KIF26B: variants seen among roughly 807,000 people sequenced by gnomAD.
KIF26B encodes the protein kinesin-like protein KIF26B.
In KIF26B, 63 loss-of-function variants were observed where a neutral mutation model predicts 151.2. The ratio of observed to expected loss-of-function variants is 0.42; its 90% CI spans 0.34 to 0.51. The LOEUF is 0.51. Among genes scored for constraint, KIF26B ranks in the 20% least tolerant of loss-of-function variants. The pLI is 0.07. For synonymous variants in KIF26B, 1,357 were observed against 1,262.1 expected (o/e 1.08, Z -1.59); for missense variants, 2,813 against 2,913.6 (o/e 0.97, Z 0.79).
At chr1:245,558,878 A>G (rs920430542) in intron 5 of KIF26B, among the ~76,000 whole-genome samples, 1 of 152,198 alleles carries the variant, frequency 6.6e-6, no homozygotes, top group African/African-American at 2.4e-5. Context: ...GAGTGACTGA[A>G]TGCATTTTTC....
intron 10 of KIF26B, among the ~76,000 whole-genome samples, chr1:245,668,035 A>G (rs1234163676): frequency 1.3e-5 from 2 of 152,200 alleles, no homozygotes; most frequent in African/African-American, 4.8e-5. Flanking sequence ...AACTGGGATT[A>G]CAGGCACACG....
intron 2 of KIF26B, among the ~76,000 whole-genome samples, chr1:245,236,275 T>C (rs1670109732): frequency 6.6e-6 from 1 of 152,136 alleles, no homozygotes; most frequent in Non-Finnish European, 1.5e-5. Context: ...AAGTTAAGCA[T>C]GTAAGTGCCA....
Position 245,698,407 on chromosome 1 carries a change from C to CCGGGCTTCCAAG in KIF26B, c.6027+108_6027+109insAAGCGGGCTTCC. 1 of 1,130,742 alleles carries CCGGGCTTCCAAG rather than the reference C, an allele frequency of 8.8e-7. No homozygotes were observed. The allele number at this position is 1,130,742 out of a possible 1,614,324, so 70.0% of individuals were successfully genotyped here. A position where few individuals can be genotyped will look rare whatever the true frequency, so the allele number is the denominator to read the frequency against. Reference sequence around the variant, plus strand: ...GGGCCCTGGGGAAGAAAACTCAGACCCGGGCTTCCCAGCGGGCTTCTGGCA... The same window carrying CCGGGCTTCCAAG: ...GGGCCCTGGGGAAGAAAACTCAGACCCGGGCTTCCAAGCGGGCTTCCCAGCGGGCTTCTGGCA... On this transcript the variant is annotated intron_variant, in intron 13 of 14. Coordinates refer to ENST00000407071, the MANE Select transcript of KIF26B (RefSeq NM_018012.4). The surrounding 1 kb of genome is among the most constrained non-coding windows in gnomAD (Gnocchi z 4.0).
intron 2 of KIF26B, among the ~76,000 whole-genome samples, chr1:245,185,538 T>G (rs1668985267): frequency 6.6e-6 from 1 of 152,204 alleles, no homozygotes; most frequent in East Asian, 1.9e-4. Flanking sequence ...AAGTCAGCTT[T>G]GTGTCAATCA....
chr1:245,367,235 G>A lies in KIF26B; in HGVS notation c.867G>A (p.Lys289=), dbSNP rs781170373. The A allele has an allele frequency of 6.2e-7, 1 of 1,609,114 alleles. No homozygotes were observed. The highest frequency in any genetic ancestry group is 8.5e-7 in the Non-Finnish European group (1 of 1,177,804). The stretch of plus-strand genomic sequence containing the variant: ...GCGGGTCCCCAACCCACCAGGCCAA[G>A]GTCAGCCTCCAGATGGCCACCAGTC... The part of the protein sequence containing the change: ...KKSGSPTHQA[K]VSLQMATSPS... Residue 289 remains lysine (K), a synonymous_variant, in exon 3 of 15, where the codon AAG becomes AAA. Transcript: ENST00000407071. The surrounding 1 kb of genome is among the most constrained non-coding windows in gnomAD (Gnocchi z 4.2).
intron 2 of KIF26B, among the ~76,000 whole-genome samples, chr1:245,219,996 G>C (rs1395687557): frequency 6.6e-6 from 1 of 152,100 alleles, no homozygotes; most frequent in African/African-American, 2.4e-5. Context: ...TTCTTCCCTT[G>C]CCTTCATAGG....
At chr1:245,701,746 G>A (rs890347749) in intron 14 of KIF26B, among the ~76,000 whole-genome samples, 4 of 152,202 alleles carry the variant, frequency 2.6e-5, no homozygotes, top group Admixed American at 1.3e-4. Flanking sequence ...CCCAGAGCTC[G>A]TCTCTTCAGA....
chr1:245,243,441 T>TACACACACACACAC (rs762132705), intron 2 of KIF26B, among the ~76,000 whole-genome samples: 1 of 34,480 alleles, frequency 2.9e-5, no homozygotes, highest in Admixed American at 4.6e-4. Flanking sequence ...CATACATATA[T>TACACACACACACAC]ATATATACAC....
At chr1:245,335,636 A>G (rs566325647) in intron 2 of KIF26B, among the ~76,000 whole-genome samples, 44 of 149,290 alleles carry the variant, frequency 2.9e-4, no homozygotes, top group African/African-American at 8.7e-4. Flanking sequence ...AGGGGAAAGG[A>G]GAGTCCCACG....
At chr1:245,311,758 C>T (rs1671669790) in intron 2 of KIF26B, among the ~76,000 whole-genome samples, 1 of 152,180 alleles carries the variant, frequency 6.6e-6, no homozygotes, top group African/African-American at 2.4e-5. Flanking sequence ...CATGGGGAAA[C>T]CCTGTCTCTA....
At chr1:245,199,489 T>G (rs1669260171) in intron 2 of KIF26B, among the ~76,000 whole-genome samples, 2 of 150,532 alleles carry the variant, frequency 1.3e-5, no homozygotes, top group Admixed American at 1.3e-4. Context: ...TATCTTTGGT[T>G]TTTTTTTTTT....
At chr1:245,210,508 C>CTTTTTTTTTTTTTTTTT (rs35803033) in intron 2 of KIF26B, among the ~76,000 whole-genome samples, 1 of 129,780 alleles carries the variant, frequency 7.7e-6, no homozygotes, top group Non-Finnish European at 1.6e-5. Flanking sequence ...ATATCCTAAG[C>CTTTTTTTTTTTTTTTTT]TTTTTTTTTT....
At chr1:245,200,527 A>G (rs1669279018) in intron 2 of KIF26B, among the ~76,000 whole-genome samples, 1 of 152,212 alleles carries the variant, frequency 6.6e-6, no homozygotes, top group South Asian at 2.1e-4. Flanking sequence ...ATGTACATGT[A>G]TACTCATAAA....
chr1:245,631,250 GT>G (rs773736329), intron 9 of KIF26B, among the ~76,000 whole-genome samples: 1 of 152,122 alleles, frequency 6.6e-6, no homozygotes, highest in East Asian at 1.9e-4. Flanking sequence ...TTATTATGAT[GT>G]TAGCTGTGGG....
intron 10 of KIF26B, among the ~76,000 whole-genome samples, chr1:245,673,385 TGCCATCTTAGGCCCAGTCCCCGCTGC>T (rs2044318775): frequency 2.9e-5 from 4 of 139,978 alleles, no homozygotes; most frequent in Admixed American, 7.0e-5. Flanking sequence ...CGCTGCGCGC[TGCCATCTTAGGCCCAGTCCCCGCTGC>T]GCGCTGCCAT....
intron 4 of KIF26B, among the ~76,000 whole-genome samples, chr1:245,453,859 T>C (rs969853032): frequency 5.2e-4 from 79 of 152,228 alleles, no homozygotes; most frequent in Non-Finnish European, 7.3e-5. Flanking sequence ...AATCCTGATA[T>C]TAAAGTAACA....
At chr1:245,365,000 T>C (rs1375025056) in intron 2 of KIF26B, among the ~76,000 whole-genome samples, 1 of 152,280 alleles carries the variant, frequency 6.6e-6, no homozygotes, top group Non-Finnish European at 1.5e-5. Flanking sequence ...AATCTATTGA[T>C]GGATATGGCT....
chr1:245,413,040 G>T (rs1168883806), intron 3 of KIF26B, among the ~76,000 whole-genome samples: 3 of 152,134 alleles, frequency 2.0e-5, no homozygotes, highest in Non-Finnish European at 4.4e-5. Flanking sequence ...GGAGTGAAAT[G>T]GTCCCCTGTA....
At chr1:245,620,084 A>G (rs896858223) in intron 9 of KIF26B, among the ~76,000 whole-genome samples, 2 of 152,090 alleles carry the variant, frequency 1.3e-5, no homozygotes, top group Non-Finnish European at 2.9e-5. Context: ...CTGGGCAAGT[A>G]TGTTAGAGGG....
Sources: allele counts gnomAD v4.1 joint callset (sites outside exome capture counted in the v4.1 genomes callset), GRCh38; gene constraint gnomAD v4.1.1; non-coding constraint Gnocchi (gnomAD v3.1); transcripts MANE v1.5; gene names NCBI Gene and HGNC (gene_info 2026-07-23, HGNC 2026-07-21).